The following POU2AF1 variants were observed in gnomAD, a reference collection of about 807,000 sequenced individuals.
The protein encoded by POU2AF1 is POU domain class 2-associating factor 1.
In POU2AF1, 12 loss-of-function variants were observed where a neutral mutation model predicts 26.3. The ratio of observed to expected loss-of-function variants is 0.46; its 90% CI spans 0.29 to 0.74. The LOEUF is 0.74. Ranked by LOEUF, POU2AF1 falls within the 30% of genes least tolerant of loss-of-function variation. The pLI is 0.09. For missense variants in POU2AF1, 297 were observed against 334.5 expected, an observed-to-expected ratio of 0.89 and a Z score of 0.87; for synonymous variants, 175 against 148.0, an observed-to-expected ratio of 1.18 and a Z score of -1.32.
chr11:111,363,693 C>T (rs1861053141), intron 1 of POU2AF1: 3 of 494,880 alleles, frequency 6.1e-6, no homozygotes, highest in Non-Finnish European at 7.9e-6. Flanking sequence ...GAAAATAAAC[C>T]AGGAGATTGA....
chr11:111,375,390 C>CTTTTTTTTTT lies in POU2AF1; in HGVS notation c.16+3762_16+3771dup, dbSNP rs869115956. ...TGTACAACCCCAGGATACTGAGTAT[C>CTTTTTTTTTT]TTTTTTTTTTTTTTTTTTTTTTTTG... On this transcript the variant is annotated intron_variant, in intron 1 of 4. Transcript: ENST00000393067. Among the ~76,000 whole-genome samples the CTTTTTTTTTT allele has an allele frequency of 1.2e-3, 96 of 79,494 alleles. 2 individuals carry two copies. The highest frequency in any genetic ancestry group is 1.6e-3 in the Non-Finnish European group (72 of 46,204). 52.2% of individuals were successfully genotyped at this position (79,494 alleles called of 152,430 possible).
In POU2AF1 at chr11:111,354,305, C is replaced by T. The variant is rs1289945813; in HGVS notation, c.727G>A (p.Asp243Asn). 5 of 1,614,216 alleles carry T rather than the reference C, an allele frequency of 3.1e-6. No homozygotes were observed. The highest frequency in any genetic ancestry group is 4.2e-6 in the Non-Finnish European group (5 of 1,180,036). Reference sequence around the variant, plus strand: ...AGAGTGTGGTTAAGCGCATAGGCGTCGCTATCCTCTTCCTCCAAAAGCAGC... The same window carrying T: ...AGAGTGTGGTTAAGCGCATAGGCGTTGCTATCCTCTTCCTCCAAAAGCAGC... ...DKLLLEEEDS[D>N]AYALNHTLSV... The change falls in exon 5 of 5, where the codon GAC becomes AAC. Residue 243 changes from aspartate to asparagine, a missense_variant. Asp to Asn is a conservative substitution (Grantham distance 23). Transcript: ENST00000393067.
intron 2 of POU2AF1, 73 bp downstream of exon 2, chr11:111,358,715 C>T: frequency 6.6e-7 from 1 of 1,508,562 alleles, no homozygotes. Context: ...CACATACACT[C>T]TCACACTATC....
rs571527224 is a variant in POU2AF1 at position 111,365,405 on chromosome 11, C to T, written c.17-6487G>A. Among the ~76,000 whole-genome samples the T allele has an allele frequency of 2.6e-5, 4 of 152,210 alleles. No homozygotes were observed. The South Asian group carries it at 8.3e-4, about 32-fold the overall frequency. ...AGGTAAACCTTGTAGCCGTACAAGGCCATTTTGCAAGATAAAAGCCCCTAG... is the reference window on the plus strand; with the variant it reads ...AGGTAAACCTTGTAGCCGTACAAGGTCATTTTGCAAGATAAAAGCCCCTAG... On this transcript the variant is annotated intron_variant, in intron 1 of 4. Transcript: ENST00000393067.
rs767549504 is a variant in POU2AF1 at position 111,354,238 on chromosome 11, C to G, written c.*23G>C. On this transcript the variant is annotated 3_prime_UTR_variant, in exon 5 of 5. Coordinates refer to ENST00000393067, the MANE Select transcript of POU2AF1 (RefSeq NM_006235.3). ...ATTTTAAAATCCCAGTTTCAGGGAA[C>G]AGGACTCAGGTGGGAGCCACGCCTA... 1.2e-6 allele frequency: 2 copies of G among 1,610,036 alleles called. No homozygotes were observed. Among genetic ancestry groups the G allele is most frequent in the Non-Finnish European group, 1.7e-6 (2 of 1,178,722 alleles).
chr11:111,359,222 T>G, intron 1 of POU2AF1: 1 of 420,860 alleles, frequency 2.4e-6, no homozygotes. Flanking sequence ...AAACCCTGTC[T>G]CCAACCAGAA....
chr11:111,374,498 A>G (rs1861272709), intron 1 of POU2AF1, among the ~76,000 whole-genome samples: 1 of 152,206 alleles, frequency 6.6e-6, no homozygotes, highest in African/African-American at 2.4e-5. Flanking sequence ...GGAGTTCGAG[A>G]CCAGCCTGGC....
At chr11:111,372,055 C>CAGAGAGAGAGAG (rs1469970188) in intron 1 of POU2AF1, among the ~76,000 whole-genome samples, 1 of 137,614 alleles carries the variant, frequency 7.3e-6, no homozygotes, top group African/African-American at 2.9e-5. Flanking sequence ...CACACACACA[C>CAGAGAGAGAGAG]ACACACACAC....
rs1860758089 is a variant in POU2AF1, at chr11:111,352,977, G to GGAAA, written c.*1283_*1284insTTTC. 1.5e-5 allele frequency: 1 copy of GGAAA among 65,346 alleles called. No homozygotes were observed. Among genetic ancestry groups the GGAAA allele is most frequent in the Non-Finnish European group, 2.9e-5 (1 of 33,998 alleles). 4.0% of individuals were successfully genotyped at this position (65,346 alleles called of 1,614,324 possible). A position where few individuals can be genotyped will look rare whatever the true frequency, so the allele number is the denominator to read the frequency against. On this transcript the variant is annotated 3_prime_UTR_variant, in exon 5 of 5. Transcript: ENST00000393067. The stretch of plus-strand genomic sequence containing the variant: ...AAAGAAAGAGAGAGGAAGGAAGGAA[G>GGAAA]GAAGGAAGGAAGGAAAGAAGGAAGG...
intron 1 of POU2AF1, among the ~76,000 whole-genome samples, chr11:111,376,161 T>C (rs1468419813): frequency 6.6e-6 from 1 of 152,204 alleles, no homozygotes; most frequent in Non-Finnish European, 1.5e-5. Flanking sequence ...ATCAGGAAAC[T>C]TGCTATCATT....
intron 2 of POU2AF1, 44 bp downstream of exon 2, chr11:111,358,743 CT>C (rs745686215): frequency 3.9e-6 from 6 of 1,525,046 alleles, no homozygotes; most frequent in Non-Finnish European, 5.3e-6. Flanking sequence ...CACACATTCT[CT>C]TTCACACACA....
chr11:111,359,576 T>G (rs1733798404), intron 1 of POU2AF1, among the ~76,000 whole-genome samples: 1 of 152,236 alleles, frequency 6.6e-6, no homozygotes, highest in Non-Finnish European at 1.5e-5. Flanking sequence ...TGCCTCTTAA[T>G]CTTCAGTTTC....
At chr11:111,375,390 C>CTTT (rs869115956) in intron 1 of POU2AF1, among the ~76,000 whole-genome samples, 2,335 of 79,430 alleles carry the variant, frequency 0.029, 415 homozygotes, top group African/African-American at 0.085. Flanking sequence ...TACTGAGTAT[C>CTTT]TTTTTTTTTT....
chr11:111,376,852 T>A (rs1399631429), intron 1 of POU2AF1, among the ~76,000 whole-genome samples: 1 of 152,152 alleles, frequency 6.6e-6, no homozygotes, highest in Non-Finnish European at 1.5e-5. Flanking sequence ...CTATACCACA[T>A]ACTTGGGTTC....
At position 111,357,683 on chromosome 11, in the gene POU2AF1, G is replaced by A. The variant is rs1388538804; in HGVS notation, c.218C>T (p.Ser73Phe). The A allele has an allele frequency of 6.2e-7, 1 of 1,613,152 alleles. No individual in the cohort carries two copies. Among genetic ancestry groups the A allele is most frequent in the Non-Finnish European group, 8.5e-7 (1 of 1,179,576 alleles). The stretch of plus-strand genomic sequence containing the variant: ...AGCCTCCTCTGTCACTGCAGACACA[G>A]AACCTTCCATGTCCAGGCAGGAAGG... ...VGPSCLDMEG[S>F]VSAVTEEAAL... Residue 73 changes from serine (S) to phenylalanine (F), a missense_variant, in exon 4 of 5, where the codon TCT (serine) becomes TTT (phenylalanine). Transcript: ENST00000393067.
rs1251023020 is a variant in POU2AF1, at chr11:111,358,921, G to A, written c.17-3C>T. The stretch of plus-strand genomic sequence containing the variant: ...TGGGGCTTGCTCCGGAGCTGTGGCT[G>A]TGAAAAGCAATGTCCCTGGAGCCCA... On this transcript the variant is annotated splice_polypyrimidine_tract_variant and splice_region_variant and intron_variant, in intron 1 of 4. Transcript: ENST00000393067. The A allele has an allele frequency of 1.3e-6, 2 of 1,599,976 alleles. No homozygotes were observed. The highest frequency in any genetic ancestry group is 1.7e-6 in the Non-Finnish European group (2 of 1,177,552).
At chr11:111,354,610 G>A in intron 4 of POU2AF1, 35 bp from the exon 5 acceptor site, 1 of 1,473,452 alleles carries the variant, frequency 6.8e-7, no homozygotes, top group Non-Finnish European at 9.0e-7. Flanking sequence ...AGGGTTAGCA[G>A]CCCCAGGAGA....
At chr11:111,355,716 G>C (rs1860831240) in intron 4 of POU2AF1, among the ~76,000 whole-genome samples, 1 of 152,196 alleles carries the variant, frequency 6.6e-6, no homozygotes, top group South Asian at 2.1e-4. Flanking sequence ...AGTTTGAGTA[G>C]CAAGGCTTTA....
At chr11:111,377,210 A>G (rs1861324509) in intron 1 of POU2AF1, among the ~76,000 whole-genome samples, 1 of 94,386 alleles carries the variant, frequency 1.1e-5, no homozygotes, top group Non-Finnish European at 2.7e-5. Context: ...CATCTCTACT[A>G]AAAATACAAA....
Sources: gnomAD v4.1 joint callset for allele counts (sites outside exome capture counted in the v4.1 genomes callset) on GRCh38, gnomAD v4.1.1 for gene constraint, MANE v1.5 for transcripts, NCBI Gene and HGNC (gene_info 2026-07-23, HGNC 2026-07-21) for gene names.